SENP7: variants seen among roughly 807,000 people sequenced by gnomAD.
SENP7 encodes SUMO specific peptidase 7, also known as sentrin-specific protease 7.
Under a neutral mutation model 141.2 loss-of-function variants are expected in SENP7, and 64 were observed. The ratio of observed to expected loss-of-function variants is 0.45; its 90% CI spans 0.37 to 0.56. SENP7 has a LOEUF of 0.56. Among genes scored for constraint, SENP7 ranks in the 20% least tolerant of loss-of-function variants. The pLI, the probability that SENP7 is intolerant of heterozygous loss-of-function variation, is 0.00. For missense variants in SENP7, 1,025 were observed against 1,212.2 expected (o/e 0.85, Z 2.29); for synonymous variants, 382 against 426.4 (o/e 0.90, Z 1.28).
chr3:101,463,424 CAT>C (rs1559865801), intron 3 of SENP7, among the ~76,000 whole-genome samples: 1 of 76,784 alleles, frequency 1.3e-5, no homozygotes, highest in Non-Finnish European at 2.9e-5. Context: ...TATACACACA[CAT>C]ATAAAATAAA....
At chr3:101,433,436 T>C (rs898366648) in intron 4 of SENP7, among the ~76,000 whole-genome samples, 1 of 151,208 alleles carries the variant, frequency 6.6e-6, no homozygotes, top group Non-Finnish European at 1.5e-5. Context: ...AATAATAACA[T>C]TGAATATAAA....
At chr3:101,362,833 T>G (rs1323355482) in intron 10 of SENP7, among the ~76,000 whole-genome samples, 3 of 152,230 alleles carry the variant, frequency 2.0e-5, no homozygotes, top group Admixed American at 2.0e-4. Flanking sequence ...TCCACTCAAG[T>G]GACTATATAA....
intron 14 of SENP7, among the ~76,000 whole-genome samples, chr3:101,343,361 C>A (rs2059377021): frequency 6.6e-6 from 1 of 152,070 alleles, no homozygotes; most frequent in Admixed American, 6.6e-5. Flanking sequence ...TTTTGTATTT[C>A]TCTTATTCCT....
chr3:101,367,058 A>G (rs1219971667), intron 8 of SENP7, among the ~76,000 whole-genome samples: 2 of 152,166 alleles, frequency 1.3e-5, no homozygotes, highest in Non-Finnish European at 2.9e-5. Context: ...TCAACTTTAG[A>G]ATGAGAAGAT....
intron 5 of SENP7, 47 bp from the exon 6 acceptor site, chr3:101,399,102 TAA>T: frequency 8.3e-7 from 1 of 1,199,262 alleles, no homozygotes; most frequent in Non-Finnish European, 1.1e-6. Flanking sequence ...AGTTTTCAGT[TAA>T]AAAAAAATGT....
At chr3:101,451,352 C>T (rs943454378) in intron 4 of SENP7, among the ~76,000 whole-genome samples, 3 of 152,146 alleles carry the variant, frequency 2.0e-5, no homozygotes, top group Non-Finnish European at 4.4e-5. Context: ...GGGAATCCTC[C>T]CTAACTCATT....
At chr3:101,510,892 CA>C (rs1427388583) in intron 1 of SENP7, among the ~76,000 whole-genome samples, 2 of 136,070 alleles carry the variant, frequency 1.5e-5, no homozygotes, top group Non-Finnish European at 3.2e-5. Context: ...CAGTTAGCAA[CA>C]ACTTACAATG....
At chr3:101,375,403 C>T (rs969313176) in intron 6 of SENP7, among the ~76,000 whole-genome samples, 7 of 151,814 alleles carry the variant, frequency 4.6e-5, no homozygotes, top group Non-Finnish European at 4.4e-5. Flanking sequence ...ATTAGCCAGG[C>T]GTGGTGGCGC....
chr3:101,363,273 GC>G (rs1410903150), intron 10 of SENP7: 2 of 204,470 alleles, frequency 9.8e-6, no homozygotes, highest in African/African-American at 2.4e-5. Flanking sequence ...ATAACTGTGG[GC>G]TTTTTTAGTG....
intron 3 of SENP7, among the ~76,000 whole-genome samples, chr3:101,469,402 C>A (rs548819756): frequency 1.2e-4 from 18 of 152,268 alleles, no homozygotes; most frequent in African/African-American, 4.1e-4. Flanking sequence ...AACAAACAGA[C>A]CTAATAGACA....
chr3:101,383,483 T>G (rs1243381226), intron 6 of SENP7, among the ~76,000 whole-genome samples: 1 of 152,184 alleles, frequency 6.6e-6, no homozygotes, highest in Admixed American at 6.5e-5. Context: ...TAGCCACAGC[T>G]GCAAACCTGG....
At chr3:101,432,816 C>T (rs2062234226) in intron 4 of SENP7, among the ~76,000 whole-genome samples, 1 of 152,122 alleles carries the variant, frequency 6.6e-6, no homozygotes, top group South Asian at 2.1e-4. Context: ...TACAAGTAAG[C>T]ACAGATAGAG....
In SENP7 at chr3:101,416,363, G is replaced by A. The variant is rs1328032644; in HGVS notation, c.482+1230C>T. Among the ~76,000 whole-genome samples, 3 of 152,252 alleles carry A rather than the reference G, an allele frequency of 2.0e-5. No homozygotes were observed. In the South Asian group the frequency reaches 6.2e-4, roughly 32 times the overall value. On this transcript the variant is annotated intron_variant, in intron 5 of 23. Transcript: ENST00000394095. ...TACCACACTGTTCTGATTGGAAAAA[G>A]GACAGATGTAGGATGAGGCGATTGA... is the stretch of plus-strand genomic sequence containing the variant.
chr3:101,488,276 C>T (rs1469516350), intron 3 of SENP7, among the ~76,000 whole-genome samples: 1 of 152,032 alleles, frequency 6.6e-6, no homozygotes, highest in Non-Finnish European at 1.5e-5. Flanking sequence ...TATTTGGTGT[C>T]TAGAAATGCT....
At chr3:101,421,965 C>T (rs2061802025) in intron 4 of SENP7, among the ~76,000 whole-genome samples, 1 of 152,158 alleles carries the variant, frequency 6.6e-6, no homozygotes, top group South Asian at 2.1e-4. Context: ...GAGTGGTTAT[C>T]GTTAAAGCAG....
At chr3:101,406,578 TAAAAA>T (rs1189812350) in intron 5 of SENP7, among the ~76,000 whole-genome samples, 1 of 126,640 alleles carries the variant, frequency 7.9e-6, no homozygotes, top group Non-Finnish European at 1.7e-5. Flanking sequence ...ACTTAAAGTA[TAAAAA>T]AAAAAAAAGA....
In SENP7 at chr3:101,341,786, G is replaced by T. The variant is rs1261110771; in HGVS notation, c.2107-7C>A. 1.9e-6 allele frequency: 3 copies of T among 1,577,584 alleles called. No homozygotes were observed. Among genetic ancestry groups the T allele is most frequent in the Non-Finnish European group, 2.6e-6 (3 of 1,153,084 alleles). On this transcript the variant is annotated splice_polypyrimidine_tract_variant and splice_region_variant and intron_variant, in intron 14 of 23. Transcript: ENST00000394095. ...CCGCATCTGTGTTTGAGGGCTGACA[G>T]AAAGTGGCAAGAAAAAGGGTCTCAA...
chr3:101,510,901 A>G (rs1453771131), intron 1 of SENP7, among the ~76,000 whole-genome samples: 2 of 152,030 alleles, frequency 1.3e-5, no homozygotes, highest in Non-Finnish European at 2.9e-5. Context: ...ACAACTTACA[A>G]TGAAATGGCA....
At chr3:101,504,940 GC>G (rs201685806) in intron 1 of SENP7, among the ~76,000 whole-genome samples, 1 of 152,008 alleles carries the variant, frequency 6.6e-6, no homozygotes, top group Non-Finnish European at 1.5e-5. Flanking sequence ...AATCGCTTGA[GC>G]CCAGGAGGTC....
Sources: allele counts gnomAD v4.1 joint callset (sites outside exome capture counted in the v4.1 genomes callset), GRCh38; gene constraint gnomAD v4.1.1; transcripts MANE v1.5; gene names NCBI Gene and HGNC (gene_info 2026-07-23, HGNC 2026-07-21).